CGNL1: variants seen among roughly 807,000 people sequenced by gnomAD.
CGNL1 encodes cingulin like 1, also known as cingulin-like protein 1.
Under a neutral mutation model 141.2 loss-of-function variants are expected in CGNL1, and 132 were observed. The observed-to-expected ratio is 0.93, with a 90% CI of 0.81 to 1.08. The LOEUF (loss-of-function observed/expected upper bound fraction) is 1.08. CGNL1 is among the 50% of genes least tolerant of loss of function. The pLI, the probability that CGNL1 is intolerant of heterozygous loss-of-function variation, is 0.00. For missense variants in CGNL1, 1,870 were observed against 1,588.6 expected, an observed-to-expected ratio of 1.18 and a Z score of -3.01; for synonymous variants, 690 against 622.1, an observed-to-expected ratio of 1.11 and a Z score of -1.63.
Position 57,438,709 on chromosome 15 carries a change from T to A in CGNL1, c.710T>A (p.Val237Asp). Reference sequence around the variant, plus strand: ...AAGCAGACCTCAGTGTGTGTAAACGTTCAGAGCTGCACCAAGGAGAGGGTG... The same window carrying A: ...AAGCAGACCTCAGTGTGTGTAAACGATCAGAGCTGCACCAAGGAGAGGGTG... Reference protein sequence around the residue: ...PKKQTSVCVNVQSCTKERVGE... With the variant: ...PKKQTSVCVNDQSCTKERVGE... The change falls in exon 2 of 19, where the codon GTT (valine) becomes GAT (aspartate). Residue 237 changes from valine (V) to aspartate (D), a missense_variant. Val to Asp is a radical substitution (Grantham distance 152, BLOSUM62 -3). Coordinates refer to ENST00000281282, the MANE Select transcript of CGNL1 (RefSeq NM_032866.5). 2 of 1,614,096 alleles carry A rather than the reference T, an allele frequency of 1.2e-6. No individual in the cohort carries two copies. Among genetic ancestry groups the A allele is most frequent in the Non-Finnish European group, 1.7e-6 (2 of 1,180,012 alleles).
chr15:57,481,064 G>GTTTT (rs11298152), intron 8 of CGNL1, among the ~76,000 whole-genome samples: 3,575 of 115,934 alleles, frequency 0.031, 178 homozygotes, highest in African/African-American at 0.11. Flanking sequence ...AAGACCTGGG[G>GTTTT]TTTTTTTTTT....
intron 3 of CGNL1, among the ~76,000 whole-genome samples, 171 bp from the exon 4 acceptor site, chr15:57,442,202 A>AAAAAAAAAAC (rs1734731741): frequency 7.2e-6 from 1 of 139,634 alleles, no homozygotes; most frequent in African/African-American, 2.7e-5. Flanking sequence ...AAAAAAAAAA[A>AAAAAAAAAAC]AGACACCATC....
intron 1 of CGNL1, among the ~76,000 whole-genome samples, chr15:57,414,360 C>G (rs563457414): frequency 2.6e-5 from 4 of 152,160 alleles, no homozygotes; most frequent in Non-Finnish European, 5.9e-5. Context: ...ATCTGAGAGT[C>G]GAGGATCCCA....
At position 57,516,959 on chromosome 15, in the gene CGNL1, G is replaced by T; in HGVS notation, c.2583G>T (p.Lys861Asn). The change falls in exon 9 of 19, where the codon AAG (lysine) becomes AAT (asparagine). Residue 861 changes from lysine to asparagine, a missense_variant. By Grantham distance (94) the Lys-to-Asn change is moderately conservative (BLOSUM62 0). Coordinates refer to ENST00000281282, the MANE Select transcript of CGNL1 (RefSeq NM_032866.5). ...AGGACCTGAAAGGCGATGAAGCCAAGGCGAAGGAAACGCTGAAGAAGTACG... is the reference window on the plus strand; with the variant it reads ...AGGACCTGAAAGGCGATGAAGCCAATGCGAAGGAAACGCTGAAGAAGTACG... ...QIEDLKGDEAKAKETLKKYEG... is the reference protein window; with the variant it reads ...QIEDLKGDEANAKETLKKYEG... 1 of 1,613,628 alleles carries T rather than the reference G, an allele frequency of 6.2e-7. No individual in the cohort carries two copies. Among genetic ancestry groups the T allele is most frequent in the Non-Finnish European group, 8.5e-7 (1 of 1,179,988 alleles).
intron 1 of CGNL1, among the ~76,000 whole-genome samples, chr15:57,437,619 C>CAAAAAAAAAAAAAAAAAAAAAAAAAAA (rs540499763): frequency 2.5e-4 from 9 of 36,082 alleles, no homozygotes; most frequent in African/African-American, 3.5e-4. Flanking sequence ...AACTAAACAG[C>CAAAAAAAAAAAAAAAAAAAAAAAAAAA]AAAAAAAAAA....
chr15:57,389,390 G>A (rs956736316), intron 1 of CGNL1, among the ~76,000 whole-genome samples: 3 of 152,236 alleles, frequency 2.0e-5, no homozygotes, highest in Admixed American at 6.5e-5. Flanking sequence ...ATCAACAAAT[G>A]TAAGAGTTCA....
At chr15:57,536,462 ACTG>A (rs1249636511) in intron 14 of CGNL1, among the ~76,000 whole-genome samples, 3 of 152,182 alleles carry the variant, frequency 2.0e-5, no homozygotes, top group Non-Finnish European at 4.4e-5. Flanking sequence ...TTCAAGTCTG[ACTG>A]CTATGAAGGA....
intron 8 of CGNL1, among the ~76,000 whole-genome samples, chr15:57,516,482 G>A (rs2030807640): frequency 6.6e-6 from 1 of 152,326 alleles, no homozygotes; most frequent in Admixed American, 6.5e-5. Flanking sequence ...TAGGCTTTGT[G>A]ACACCATAGG....
chr15:57,469,088 G>A (rs576231465), intron 8 of CGNL1, among the ~76,000 whole-genome samples: 4 of 152,118 alleles, frequency 2.6e-5, no homozygotes, highest in Non-Finnish European at 5.9e-5. Flanking sequence ...CTAATGTGGG[G>A]ACATTACTTG....
intron 8 of CGNL1, among the ~76,000 whole-genome samples, chr15:57,475,264 C>A (rs988953752): frequency 1.3e-5 from 2 of 152,216 alleles, no homozygotes; most frequent in Non-Finnish European, 2.9e-5. Flanking sequence ...GCCTTTGCAA[C>A]CCTGGCCCTC....
At chr15:57,409,994 A>T (rs1293044835) in intron 1 of CGNL1, among the ~76,000 whole-genome samples, 1 of 152,228 alleles carries the variant, frequency 6.6e-6, no homozygotes, top group Non-Finnish European at 1.5e-5. Flanking sequence ...CTGTTCTGGA[A>T]GATTAAAGGC....
chr15:57,541,567 G>A lies in CGNL1; in HGVS notation c.3292-2129G>A, dbSNP rs369956741. Among the ~76,000 whole-genome samples the A allele has an allele frequency of 2.1e-4, 32 of 152,366 alleles. No homozygotes were observed. In the South Asian group the frequency reaches 5.6e-3, roughly 27 times the overall value. ...TGAGTTGGGTGGACGTGCCCTGCCT[G>A]CTGGTCCTGGCCACTGCTGGCATTT... On this transcript the variant is annotated intron_variant, in intron 14 of 18. Transcript: ENST00000281282.
At chr15:57,409,858 C>T (rs1392622124) in intron 1 of CGNL1, among the ~76,000 whole-genome samples, 4 of 152,166 alleles carry the variant, frequency 2.6e-5, no homozygotes, top group African/African-American at 9.7e-5. Context: ...AATAAAACCA[C>T]TGCTTGGTTT....
intron 1 of CGNL1, among the ~76,000 whole-genome samples, chr15:57,385,047 C>G (rs191669310): frequency 6.6e-6 from 1 of 152,146 alleles, no homozygotes; most frequent in Non-Finnish European, 1.5e-5. Context: ...AAGGGCATCC[C>G]GACACCCAGC....
At chr15:57,379,243 A>AC (rs1373400805) in intron 1 of CGNL1, among the ~76,000 whole-genome samples, 8 of 151,744 alleles carry the variant, frequency 5.3e-5, no homozygotes, top group East Asian at 1.9e-4. Flanking sequence ...AATACACTCT[A>AC]CCCCCCCAAA....
At chr15:57,420,430 A>G (rs185154509) in intron 1 of CGNL1, among the ~76,000 whole-genome samples, 37 of 152,346 alleles carry the variant, frequency 2.4e-4, no homozygotes, top group South Asian at 1.4e-3. Context: ...ACTTTCATCA[A>G]TTAACCACAT....
chr15:57,526,582 T>A (rs2031629341), intron 12 of CGNL1, among the ~76,000 whole-genome samples: 1 of 152,170 alleles, frequency 6.6e-6, no homozygotes, highest in Non-Finnish European at 1.5e-5. Context: ...CTACCTCTGA[T>A]AAGCATGATC....
In CGNL1 at chr15:57,471,527, G is replaced by A. The variant is rs145535936; in HGVS notation, c.2403+9635G>A. 8.6e-4 allele frequency among the ~76,000 whole-genome samples: 131 copies of A among 152,322 alleles called. 1 individual carries two copies. Among genetic ancestry groups the A allele is most frequent in the African/African-American group, 3.0e-3 (125 of 41,566 alleles). Reference sequence around the variant, plus strand: ...AAATCACAGCAAATTCACAGGCAGCGTGCGGAGAAAGTGACAAGACTTAGT... The same window carrying A: ...AAATCACAGCAAATTCACAGGCAGCATGCGGAGAAAGTGACAAGACTTAGT... On this transcript the variant is annotated intron_variant, in intron 8 of 18. Coordinates refer to ENST00000281282, the MANE Select transcript of CGNL1 (RefSeq NM_032866.5).
intron 1 of CGNL1, among the ~76,000 whole-genome samples, chr15:57,426,176 G>T (rs1171774104): frequency 4.0e-5 from 6 of 151,850 alleles, no homozygotes; most frequent in African/African-American, 1.5e-4. Context: ...ACAGGGTCTT[G>T]CTCTGTCACC....
Sources: gnomAD v4.1 joint callset for allele counts (sites outside exome capture counted in the v4.1 genomes callset) on GRCh38, gnomAD v4.1.1 for gene constraint, MANE v1.5 for transcripts, NCBI Gene and HGNC (gene_info 2026-07-23, HGNC 2026-07-21) for gene names.